The following KCNB2 variants were observed in gnomAD, a reference collection of about 807,000 sequenced individuals.
KCNB2 encodes potassium voltage-gated channel subfamily B member 2.
In KCNB2, 15 loss-of-function variants were observed where a neutral mutation model predicts 61.5. The ratio of observed to expected loss-of-function variants is 0.24; its 90% CI spans 0.16 to 0.38. The LOEUF is 0.38. KCNB2 is among the 10% of genes least tolerant of loss of function. KCNB2 has a pLI of 1.00. For missense variants in KCNB2, 828 were observed against 1,125.2 expected (o/e 0.74, Z 3.78); for synonymous variants, 457 against 446.0 (o/e 1.02, Z -0.31).
intron 2 of KCNB2, among the ~76,000 whole-genome samples, chr8:72,624,769 A>G (rs1805764014): frequency 6.6e-6 from 1 of 152,198 alleles, no homozygotes; most frequent in South Asian, 2.1e-4. Flanking sequence ...ACAACAGAGT[A>G]GGGCAAAGGC....
At chr8:72,892,538 T>C (rs1391529827) in intron 2 of KCNB2, among the ~76,000 whole-genome samples, 1 of 152,208 alleles carries the variant, frequency 6.6e-6, no homozygotes, top group Non-Finnish European at 1.5e-5. Context: ...TGGAAATCAC[T>C]TCCTTGAACC....
At chr8:72,554,323 G>A (rs1806388186) in intron 1 of KCNB2, among the ~76,000 whole-genome samples, 7 of 151,982 alleles carry the variant, frequency 4.6e-5, no homozygotes, top group Admixed American at 4.6e-4. Flanking sequence ...GAGGAATAAT[G>A]GATCTAAATC....
intron 2 of KCNB2, among the ~76,000 whole-genome samples, chr8:72,774,412 G>T (rs181256562): frequency 7.2e-4 from 110 of 152,226 alleles, no homozygotes; most frequent in Admixed American, 2.1e-3. Context: ...GTGCAGTGGC[G>T]CAATCTCGGC....
intron 2 of KCNB2, among the ~76,000 whole-genome samples, chr8:72,763,024 T>A (rs1393365276): frequency 2.8e-5 from 4 of 143,632 alleles, no homozygotes; most frequent in African/African-American, 1.1e-4. Flanking sequence ...TAAGTTATCT[T>A]CAACGAGAAC....
chr8:72,685,174 A>G lies in KCNB2; in HGVS notation c.579+116861A>G, dbSNP rs1353904864. Among the ~76,000 whole-genome samples the G allele has an allele frequency of 2.0e-5, 3 of 152,196 alleles. No homozygotes were observed. In the East Asian group the frequency reaches 5.8e-4, roughly 29 times the overall value. On this transcript the variant is annotated intron_variant, in intron 2 of 2. Transcript: ENST00000523207. ...TAAAGCCAACTGTGGCAGGCCATAT[A>G]GAAATGAATTTGTATTCATATAGAA...
At chr8:72,660,611 C>T (rs1806363223) in intron 2 of KCNB2, 1 of 152,140 alleles carries the variant, frequency 6.6e-6, no homozygotes, top group Admixed American at 6.5e-5. Flanking sequence ...TGAGATTTCT[C>T]TCAGCTGTCA....
chr8:72,763,732 G>A (rs1342461748), intron 2 of KCNB2, among the ~76,000 whole-genome samples: 1 of 152,158 alleles, frequency 6.6e-6, no homozygotes, highest in African/African-American at 2.4e-5. Context: ...CTGAAGTCCT[G>A]TACTGCTTGG....
intron 2 of KCNB2, among the ~76,000 whole-genome samples, chr8:72,679,116 G>A (rs2128988881): frequency 1.3e-5 from 2 of 152,044 alleles, no homozygotes; most frequent in Admixed American, 1.3e-4. Flanking sequence ...TGATTCTTTG[G>A]CTGTGATCTT....
intron 2 of KCNB2, among the ~76,000 whole-genome samples, chr8:72,818,049 G>A (rs1809431672): frequency 6.6e-6 from 1 of 152,024 alleles, no homozygotes; most frequent in Non-Finnish European, 1.5e-5. Context: ...GCATTTGATG[G>A]ATATATACAG....
At chr8:72,829,926 T>G (rs934918253) in intron 2 of KCNB2, among the ~76,000 whole-genome samples, 1 of 147,918 alleles carries the variant, frequency 6.8e-6, no homozygotes, top group African/African-American at 2.5e-5. Flanking sequence ...TTATTCTCTG[T>G]GAGGATAAAA....
At chr8:72,861,061 C>T (rs968296699) in intron 2 of KCNB2, among the ~76,000 whole-genome samples, 2 of 152,134 alleles carry the variant, frequency 1.3e-5, no homozygotes, top group African/African-American at 4.8e-5. Context: ...CACCTTAAGC[C>T]TCAGTAAGCT....
intron 2 of KCNB2, among the ~76,000 whole-genome samples, chr8:72,700,158 G>A (rs2449104): frequency 0.83 from 126,333 of 151,890 alleles, 53,130 homozygotes; most frequent in East Asian, 0.95. Context: ...GAACACATGG[G>A]CACAGGGAGG....
At chr8:72,577,281 G>A (rs1806810876) in intron 2 of KCNB2, among the ~76,000 whole-genome samples, 1 of 149,406 alleles carries the variant, frequency 6.7e-6, no homozygotes, top group South Asian at 2.2e-4. Context: ...TCTGTTGTAT[G>A]TGCCCATGTG....
intron 2 of KCNB2, among the ~76,000 whole-genome samples, chr8:72,598,406 C>T (rs566701819): frequency 1.3e-5 from 2 of 152,320 alleles, no homozygotes; most frequent in Admixed American, 1.3e-4. Context: ...AACAACGCTT[C>T]ATGCTAAAAA....
intron 2 of KCNB2, among the ~76,000 whole-genome samples, chr8:72,758,410 A>T (rs1021481615): frequency 1.3e-5 from 2 of 152,216 alleles, no homozygotes; most frequent in African/African-American, 4.8e-5. Context: ...GCAGGCAAGG[A>T]TGCTGGAAAA....
intron 2 of KCNB2, among the ~76,000 whole-genome samples, chr8:72,758,139 G>C (rs16938355): frequency 0.17 from 26,384 of 152,182 alleles, 2,543 homozygotes; most frequent in South Asian, 0.35. Flanking sequence ...ATGAGCAAAA[G>C]GGGGCAGGAG....
intron 2 of KCNB2, among the ~76,000 whole-genome samples, chr8:72,676,556 T>A (rs1396473324): frequency 6.6e-6 from 1 of 150,878 alleles, no homozygotes; most frequent in Non-Finnish European, 1.5e-5. Flanking sequence ...ACTCCTTAAT[T>A]CTTAGATTGT....
In KCNB2 at chr8:72,854,220, G is replaced by A. The variant is rs188945008; in HGVS notation, c.580-81715G>A. ...GATCTTGCTACCTTTTAAATATTAT[G>A]CATTTTTTCTAAGCAGGCAAAATAA... On this transcript the variant is annotated intron_variant, in intron 2 of 2. Coordinates refer to ENST00000523207, the MANE Select transcript of KCNB2 (RefSeq NM_004770.3). Among the ~76,000 whole-genome samples the A allele has an allele frequency of 2.0e-3, 310 of 152,214 alleles. 3 individuals carry two copies. Among genetic ancestry groups the A allele is most frequent in the Middle Eastern group, 6.8e-3 (2 of 294 alleles).
chr8:72,789,158 G>A (rs1026240191), intron 2 of KCNB2, among the ~76,000 whole-genome samples: 27 of 152,142 alleles, frequency 1.8e-4, no homozygotes, highest in African/African-American at 6.0e-4. Flanking sequence ...TGTAATAATA[G>A]CTATCACTTG....
Sources: allele counts gnomAD v4.1 joint callset (sites outside exome capture counted in the v4.1 genomes callset), GRCh38; gene constraint gnomAD v4.1.1; transcripts MANE v1.5; gene names NCBI Gene and HGNC (gene_info 2026-07-23, HGNC 2026-07-21).